Variants in CSMD1 observed in about 807,000 individuals in gnomAD.
CSMD1 encodes the protein CUB and sushi domain-containing protein 1.
In CSMD1, 213 loss-of-function variants were observed where a neutral mutation model predicts 417.5. That is an observed-to-expected ratio of 0.51 (90% CI 0.46 to 0.57). CSMD1 has a LOEUF of 0.57. Ranked by LOEUF, CSMD1 falls within the 20% of genes least tolerant of loss-of-function variation. CSMD1 has a pLI of 0.00. For synonymous variants in CSMD1, 2,862 were observed against 1,736.8 expected (o/e 1.65, Z -16.11); for missense variants, 6,923 against 4,529.7 (o/e 1.53, Z -15.17).
chr8:4,078,896 AATATATATATATATATATATATATAT>A (rs1173719388), intron 3 of CSMD1, among the ~76,000 whole-genome samples: 35 of 43,554 alleles, frequency 8.0e-4, no homozygotes, highest in East Asian at 5.9e-3. Context: ...AATAATAATA[AATATATATATATATATATATATATAT>A]ATATATATAT....
In CSMD1 at chr8:4,731,391, G is replaced by C. The variant is rs548662053; in HGVS notation, c.86-93833C>G. On this transcript the variant is annotated intron_variant, in intron 1 of 69. Coordinates refer to ENST00000635120, the MANE Select transcript of CSMD1 (RefSeq NM_033225.6). ...CTGCATGTGACACATTCCCCCACCT[G>C]TGCAAGTACTTTTCATATTTTTCCG... is the stretch of plus-strand genomic sequence containing the variant. 2.0e-5 allele frequency among the ~76,000 whole-genome samples: 3 copies of C among 152,180 alleles called. No homozygotes were observed. In the South Asian group the frequency reaches 6.2e-4, roughly 32 times the overall value.
intron 1 of CSMD1, among the ~76,000 whole-genome samples, chr8:4,792,148 C>T (rs771220076): frequency 2.0e-5 from 3 of 152,070 alleles, no homozygotes; most frequent in Non-Finnish European, 4.4e-5. Context: ...TTATTCTTTC[C>T]TTCCTCCTTC....
At chr8:3,821,973 C>G (rs548919362) in intron 5 of CSMD1, among the ~76,000 whole-genome samples, 1 of 152,128 alleles carries the variant, frequency 6.6e-6, no homozygotes, top group African/African-American at 2.4e-5. Context: ...TCATGTTTCC[C>G]TTCACATTCT....
intron 3 of CSMD1, among the ~76,000 whole-genome samples, chr8:4,175,734 G>C (rs1370812972): frequency 2.0e-5 from 3 of 151,996 alleles, no homozygotes; most frequent in Non-Finnish European, 4.4e-5. Context: ...ATGTTGCCTA[G>C]AAAAATAATG....
At position 4,881,525 on chromosome 8, in the gene CSMD1, C is replaced by T. The variant is rs552750257; in HGVS notation, c.85+112807G>A. The stretch of plus-strand genomic sequence containing the variant: ...ATTAGGCTCTTCCAGGTCAGAAACT[C>T]GAAGTTAGTTTTTTTTTTTTTTTTT... On this transcript the variant is annotated intron_variant, in intron 1 of 69. Coordinates refer to ENST00000635120, the MANE Select transcript of CSMD1 (RefSeq NM_033225.6). Among the ~76,000 whole-genome samples, 367 of 113,838 alleles carry T rather than the reference C, an allele frequency of 3.2e-3. 12 individuals carry two copies. The South Asian group carries it at 0.045, about 14-fold the overall frequency. 74.7% of individuals were successfully genotyped at this position (113,838 alleles called of 152,430 possible). A position where few individuals can be genotyped will look rare whatever the true frequency, so the allele number is the denominator to read the frequency against.
intron 9 of CSMD1, among the ~76,000 whole-genome samples, chr8:3,577,792 C>A (rs781595159): frequency 2.0e-5 from 3 of 152,184 alleles, no homozygotes; most frequent in Non-Finnish European, 2.9e-5. Flanking sequence ...TCTGATGATG[C>A]GCCCCCTATT....
rs527549975 is a variant in CSMD1, at chr8:3,573,255, T to C, written c.1344+1690A>G. Among the ~76,000 whole-genome samples, 174 of 152,332 alleles carry C rather than the reference T, an allele frequency of 1.1e-3. 3 individuals are homozygous for C. In the South Asian group the frequency reaches 0.035, roughly 30 times the overall value. ...CTATTACTATATCTCTTTGCCCAAA[T>C]TCATGCAACTACTAAGTGGCAGAGC... On this transcript the variant is annotated intron_variant, in intron 10 of 69. Transcript: ENST00000635120.
chr8:3,157,836 G>A, intron 39 of CSMD1, 61 bp downstream of exon 39: 2 of 1,340,178 alleles, frequency 1.5e-6, no homozygotes, highest in Non-Finnish European at 2.1e-6. Flanking sequence ...CCCAAGAGTA[G>A]AGCAGGCATG....
At chr8:4,815,059 G>A (rs953410415) in intron 1 of CSMD1, among the ~76,000 whole-genome samples, 6 of 151,994 alleles carry the variant, frequency 3.9e-5, no homozygotes, top group African/African-American at 1.4e-4. Flanking sequence ...CTTGACTGGA[G>A]GAAATTAGGT....
intron 52 of CSMD1, among the ~76,000 whole-genome samples, chr8:3,006,344 T>C (rs536222611): frequency 0.049 from 7,383 of 149,280 alleles, 182 homozygotes; most frequent in East Asian, 0.07. Context: ...ATGGCCATAC[T>C]GCCCAAGGTA....
chr8:4,322,532 C>T (rs897292637), intron 3 of CSMD1, among the ~76,000 whole-genome samples: 3 of 152,092 alleles, frequency 2.0e-5, no homozygotes, highest in African/African-American at 4.8e-5. Context: ...AAAAACATAA[C>T]ATTTGAGGTA....
At chr8:3,109,338 A>C (rs1585372652) in intron 43 of CSMD1, among the ~76,000 whole-genome samples, 1 of 152,202 alleles carries the variant, frequency 6.6e-6, no homozygotes, top group East Asian at 1.9e-4. Flanking sequence ...TATGGAGCTT[A>C]ATCTATGGGG....
chr8:3,930,433 C>T (rs1810061498), intron 5 of CSMD1, among the ~76,000 whole-genome samples: 1 of 150,662 alleles, frequency 6.6e-6, no homozygotes, highest in Admixed American at 6.6e-5. Context: ...AGGTCAAAGC[C>T]TGTTCTTCTT....
chr8:3,494,458 G>C (rs1315207216), intron 10 of CSMD1, among the ~76,000 whole-genome samples: 1 of 151,850 alleles, frequency 6.6e-6, no homozygotes, highest in Non-Finnish European at 1.5e-5. Context: ...AGGAGAAAAA[G>C]GAAAGAAGAT....
intron 3 of CSMD1, among the ~76,000 whole-genome samples, chr8:4,365,104 A>G (rs912328479): frequency 1.3e-5 from 2 of 152,202 alleles, no homozygotes; most frequent in African/African-American, 4.8e-5. Context: ...AAAAGTTTAA[A>G]TACTTTAAGT....
chr8:3,834,706 G>C (rs1290209070), intron 5 of CSMD1, among the ~76,000 whole-genome samples: 1 of 151,920 alleles, frequency 6.6e-6, no homozygotes, highest in Admixed American at 6.6e-5. Context: ...CAAAAGTCTT[G>C]GGCAGATTAG....
intron 3 of CSMD1, among the ~76,000 whole-genome samples, chr8:4,322,329 T>C (rs1289973892): frequency 6.6e-6 from 1 of 152,146 alleles, no homozygotes; most frequent in Non-Finnish European, 1.5e-5. Flanking sequence ...GTACTTTTTT[T>C]TGCAACAATC....
chr8:3,463,676 AT>A (rs1376409231), intron 12 of CSMD1, among the ~76,000 whole-genome samples: 4 of 152,230 alleles, frequency 2.6e-5, no homozygotes, highest in Admixed American at 1.3e-4. Context: ...ACGCTGTTCA[AT>A]GTGCATAATT....
intron 7 of CSMD1, among the ~76,000 whole-genome samples, chr8:3,625,748 C>G (rs1249599471): frequency 6.6e-6 from 1 of 152,084 alleles, no homozygotes; most frequent in African/African-American, 2.4e-5. Flanking sequence ...CTACAGAGAT[C>G]CTATGATCTC....
Sources: gnomAD v4.1 joint callset for allele counts (sites outside exome capture counted in the v4.1 genomes callset) on GRCh38, gnomAD v4.1.1 for gene constraint, MANE v1.5 for transcripts, NCBI Gene and HGNC (gene_info 2026-07-23, HGNC 2026-07-21) for gene names.